Variants in KLHL2 observed in about 807,000 individuals in gnomAD.
KLHL2 encodes the protein kelch like family member 2.
In KLHL2, 15 loss-of-function variants were observed where a neutral mutation model predicts 75.8. That is an observed-to-expected ratio of 0.20 (90% CI 0.13 to 0.30). KLHL2 has a LOEUF of 0.30. KLHL2 is among the 10% of genes least tolerant of loss of function. The pLI is 1.00. For missense variants in KLHL2, 381 were observed against 741.0 expected, an observed-to-expected ratio of 0.51 and a Z score of 5.64; for synonymous variants, 214 against 251.9, an observed-to-expected ratio of 0.85 and a Z score of 1.42.
At chr4:165,267,812 T>A (rs1390084018) in intron 5 of KLHL2, among the ~76,000 whole-genome samples, 1 of 152,262 alleles carries the variant, frequency 6.6e-6, no homozygotes, top group Admixed American at 6.5e-5. Context: ...GGTATCAGTA[T>A]GATGCTGGCC....
chr4:165,225,710 C>G (rs1198361715), intron 2 of KLHL2, among the ~76,000 whole-genome samples: 1 of 152,210 alleles, frequency 6.6e-6, no homozygotes, highest in Non-Finnish European at 1.5e-5. Flanking sequence ...CACTGATATA[C>G]ACTCATTTTA....
intron 11 of KLHL2, among the ~76,000 whole-genome samples, chr4:165,312,944 T>C (rs764068391): frequency 6.6e-6 from 1 of 152,232 alleles, no homozygotes; most frequent in Non-Finnish European, 1.5e-5. Context: ...TGTTCACTTA[T>C]CAAATAGTGT....
chr4:165,265,153 G>A (rs1005419756), intron 5 of KLHL2, among the ~76,000 whole-genome samples: 2 of 151,984 alleles, frequency 1.3e-5, no homozygotes, highest in African/African-American at 2.4e-5. Context: ...TTTCATGTTT[G>A]TTGACCATTT....
chr4:165,232,988 TC>T (rs1739036135), intron 3 of KLHL2, among the ~76,000 whole-genome samples: 1 of 149,826 alleles, frequency 6.7e-6, no homozygotes, highest in South Asian at 2.1e-4. Flanking sequence ...ATTCTCTTGC[TC>T]AGGGACAGGG....
At chr4:165,242,117 A>T (rs1364886037) in intron 4 of KLHL2, among the ~76,000 whole-genome samples, 2 of 151,920 alleles carry the variant, frequency 1.3e-5, no homozygotes, top group Non-Finnish European at 2.9e-5. Flanking sequence ...GTTTTTTTTT[A>T]AAGGGAGATA....
chr4:165,314,121 G>T lies in KLHL2; in HGVS notation c.1564G>T (p.Ala522Ser). The T allele has an allele frequency of 6.2e-7, 1 of 1,613,600 alleles. No homozygotes were observed. The highest frequency in any genetic ancestry group is 8.5e-7 in the Non-Finnish European group (1 of 1,179,652). Reference sequence around the variant, plus strand: ...TGAAGTATATGATCCCACCACTAACGCATGGAGACAGGTTGCAGATATGAA... The same window carrying T: ...TGAAGTATATGATCCCACCACTAACTCATGGAGACAGGTTGCAGATATGAA... ...SVEVYDPTTN[A>S]WRQVADMNMC... Residue 522 changes from alanine (A) to serine (S), a missense_variant, in exon 13 of 15, where the codon GCA (alanine) becomes TCA (serine). This residue lies in a region of KLHL2 where 168 missense variants were observed against 370.4 expected (regional missense o/e 0.45). Transcript: ENST00000226725.
intron 5 of KLHL2, among the ~76,000 whole-genome samples, chr4:165,265,698 C>G (rs1256036825): frequency 2.6e-5 from 4 of 152,034 alleles, no homozygotes; most frequent in Non-Finnish European, 5.9e-5. Flanking sequence ...TGTATATGTG[C>G]CACATTTTCT....
chr4:165,253,579 T>C (rs1740918350), intron 4 of KLHL2, among the ~76,000 whole-genome samples: 1 of 152,228 alleles, frequency 6.6e-6, no homozygotes, highest in Non-Finnish European at 1.5e-5. Flanking sequence ...ATACTGTAGA[T>C]CTTAACTGTA....
intron 5 of KLHL2, among the ~76,000 whole-genome samples, chr4:165,265,230 T>A (rs1160340084): frequency 2.6e-5 from 4 of 152,134 alleles, no homozygotes; most frequent in Middle Eastern, 3.2e-3. Context: ...ATTATTTGAT[T>A]TTTTCTTGCT....
chr4:165,260,573 T>TG (rs1489547662), intron 4 of KLHL2, among the ~76,000 whole-genome samples: 1 of 150,012 alleles, frequency 6.7e-6, no homozygotes, highest in African/African-American at 2.5e-5. Context: ...TATATGTGTG[T>TG]GTGTGGGGGG....
intron 5 of KLHL2, chr4:165,278,872 C>T (rs1479492034): frequency 6.0e-6 from 9 of 1,498,340 alleles, no homozygotes; most frequent in Non-Finnish European, 8.4e-6. Context: ...CAGACTGGTC[C>T]CCTAAACACC....
At chr4:165,210,052 G>C (rs1465786021) in intron 1 of KLHL2, 1 of 1,550,218 alleles carries the variant, frequency 6.5e-7, no homozygotes, top group Non-Finnish European at 8.7e-7. Flanking sequence ...GAGGCCAGTG[G>C]AAACTATTAG....
At chr4:165,289,508 G>GT (rs1207266646) in intron 5 of KLHL2, among the ~76,000 whole-genome samples, 2 of 131,790 alleles carry the variant, frequency 1.5e-5, no homozygotes, top group African/African-American at 6.4e-5. Flanking sequence ...TTTTTGGTTT[G>GT]GTTTTTTTTT....
chr4:165,303,254 G>A (rs866218011), intron 8 of KLHL2, among the ~76,000 whole-genome samples: 7 of 152,056 alleles, frequency 4.6e-5, no homozygotes, highest in South Asian at 2.1e-4. Flanking sequence ...GAACTATTGC[G>A]TGGAAATAGA....
In KLHL2 at chr4:165,273,700, G is replaced by A. The variant is rs141422603; in HGVS notation, c.544+10341G>A. ...CCACCATCATTGTAAGGCCTCCCCA[G>A]CCATGTGGAACTATAAGTCCATTAA... On this transcript the variant is annotated intron_variant, in intron 5 of 14. Coordinates refer to ENST00000226725, the MANE Select transcript of KLHL2 (RefSeq NM_007246.4). Among the ~76,000 whole-genome samples, 323 of 152,262 alleles carry A rather than the reference G, an allele frequency of 2.1e-3. 1 individual carries two copies. Among genetic ancestry groups the A allele is most frequent in the African/African-American group, 7.4e-3 (309 of 41,522 alleles).
At position 165,238,011 on chromosome 4, in the gene KLHL2, A is replaced by G. The variant is rs577442585; in HGVS notation, c.260-767A>G. On this transcript the variant is annotated intron_variant, in intron 3 of 14. Transcript: ENST00000226725. ...CCCTATTTCTTTTCCACAAGTGGGT[A>G]TTAGGAAGAAAGTCTTTTACTGTTT... is the stretch of plus-strand genomic sequence containing the variant. 1.9e-3 allele frequency among the ~76,000 whole-genome samples: 285 copies of G among 152,172 alleles called. 4 individuals are homozygous for G. Among genetic ancestry groups the G allele is most frequent in the Middle Eastern group, 0.014 (4 of 294 alleles).
intron 8 of KLHL2, among the ~76,000 whole-genome samples, chr4:165,304,371 C>T (rs1412913525): frequency 6.6e-6 from 1 of 152,166 alleles, no homozygotes; most frequent in Admixed American, 6.5e-5. Context: ...ATTCTAAGTA[C>T]AGGTAGGTCA....
At chr4:165,310,793 C>CGTAGT in intron 10 of KLHL2, 43 bp downstream of exon 10, 1 of 1,438,970 alleles carries the variant, frequency 6.9e-7, no homozygotes, top group Non-Finnish European at 9.8e-7. Context: ...CTAAAATTAA[C>CGTAGT]GTAGTAGTCA....
At chr4:165,213,544 T>G (rs1737343366) in intron 1 of KLHL2, among the ~76,000 whole-genome samples, 1 of 152,192 alleles carries the variant, frequency 6.6e-6, no homozygotes, top group African/African-American at 2.4e-5. Flanking sequence ...TCTTTCCTCT[T>G]TACTCCAACT....
Sources: gnomAD v4.1 joint callset for allele counts (sites outside exome capture counted in the v4.1 genomes callset) on GRCh38, gnomAD v4.1.1 for gene constraint, gnomAD v4.1.1 regional missense constraint, MANE v1.5 for transcripts, NCBI Gene and HGNC (gene_info 2026-07-23, HGNC 2026-07-21) for gene names.